The following SMAP1 variants were observed in gnomAD, a reference collection of about 807,000 sequenced individuals.
SMAP1 encodes the protein small ArfGAP 1.
A neutral mutation model predicts 58.5 loss-of-function variants in SMAP1; 24 were observed. That is an observed-to-expected ratio of 0.41 (90% CI 0.30 to 0.58). The LOEUF (loss-of-function observed/expected upper bound fraction) is 0.58, where lower values mean the gene tolerates loss of function less well. Ranked by LOEUF, SMAP1 falls within the 20% of genes least tolerant of loss-of-function variation. SMAP1 has a pLI of 0.29. For synonymous variants in SMAP1, 216 were observed against 196.6 expected (o/e 1.10, Z -0.82); for missense variants, 563 against 566.3 (o/e 0.99, Z 0.06).
At chr6:70,817,138 A>ATATTT (rs1159580558) in intron 6 of SMAP1, among the ~76,000 whole-genome samples, 5 of 140,514 alleles carry the variant, frequency 3.6e-5, no homozygotes, top group African/African-American at 1.4e-4. Flanking sequence ...ATATATATAT[A>ATATTT]TTTTTTTTTT....
rs1313957551 is a variant in SMAP1 at position 70,790,233 on chromosome 6, C to G, written c.415-1456C>G. On this transcript the variant is annotated intron_variant, in intron 4 of 10. Coordinates refer to ENST00000370455, the MANE Select transcript of SMAP1 (RefSeq NM_001044305.3). ...TTGGCTCACTGCAACCTCCGCCTCC[C>G]AGGTTCATGTGATTCTCCTGCCTCA... Among the ~76,000 whole-genome samples the G allele has an allele frequency of 3.3e-5, 5 of 152,050 alleles. No homozygotes were observed. The East Asian group carries it at 7.7e-4, about 23-fold the overall frequency.
chr6:70,730,654 G>A (rs1320593358), intron 1 of SMAP1, among the ~76,000 whole-genome samples: 1 of 152,162 alleles, frequency 6.6e-6, no homozygotes, highest in Non-Finnish European at 1.5e-5. Flanking sequence ...TCTTCCTCCT[G>A]TGTAATTAAG....
chr6:70,725,106 T>G (rs1222263709), intron 1 of SMAP1, among the ~76,000 whole-genome samples: 74 of 92,536 alleles, frequency 8.0e-4, no homozygotes, highest in African/African-American at 2.7e-3. Flanking sequence ...TTTTTTTTTT[T>G]TTTTTTTTTT....
chr6:70,705,538 G>A (rs935662467), intron 1 of SMAP1, among the ~76,000 whole-genome samples: 2 of 152,084 alleles, frequency 1.3e-5, no homozygotes, highest in Non-Finnish European at 2.9e-5. Flanking sequence ...GGTATGAGCC[G>A]CCACGCTGGG....
At chr6:70,745,400 A>C (rs980620798) in intron 2 of SMAP1, among the ~76,000 whole-genome samples, 73 of 152,332 alleles carry the variant, frequency 4.8e-4, no homozygotes, top group African/African-American at 1.6e-3. Flanking sequence ...ATGGCTAGCC[A>C]GTTTTCCCAG....
chr6:70,734,217 C>T (rs980340131), intron 2 of SMAP1, among the ~76,000 whole-genome samples: 9 of 151,956 alleles, frequency 5.9e-5, no homozygotes, highest in Non-Finnish European at 1.0e-4. Context: ...GTGATGTCTG[C>T]TCACTGCAGC....
At chr6:70,786,830 G>T (rs557684716) in intron 4 of SMAP1, among the ~76,000 whole-genome samples, 87 of 152,324 alleles carry the variant, frequency 5.7e-4, no homozygotes, top group South Asian at 4.4e-3. Flanking sequence ...AACATTCCAT[G>T]CTCATGGACA....
chr6:70,861,496 A>G lies in SMAP1; in HGVS notation c.*1162A>G, dbSNP rs1000419985. 1.6e-6 allele frequency: 1 copy of G among 619,152 alleles called. No homozygotes were observed. The highest frequency in any genetic ancestry group is 1.8e-5 in the African/African-American group (1 of 54,204). The allele number at this position is 619,152 out of a possible 1,614,324, so 38.4% of individuals were successfully genotyped here. On this transcript the variant is annotated 3_prime_UTR_variant, in exon 11 of 11. Coordinates refer to ENST00000370455, the MANE Select transcript of SMAP1 (RefSeq NM_001044305.3). ...TTTGTACCAACCATCCAATTAGCTT[A>G]TGTTAACTGACAAGCTCCATTTAAA...
chr6:70,669,565 C>T (rs1459486178), intron 1 of SMAP1, among the ~76,000 whole-genome samples: 2 of 152,104 alleles, frequency 1.3e-5, no homozygotes, highest in Non-Finnish European at 2.9e-5. Context: ...ACTTGTTTTC[C>T]TAGTAACTTG....
At chr6:70,708,359 C>T (rs2149835219) in intron 1 of SMAP1, among the ~76,000 whole-genome samples, 1 of 152,200 alleles carries the variant, frequency 6.6e-6, no homozygotes, top group South Asian at 2.1e-4. Flanking sequence ...TTTCTTTGTT[C>T]ATTCATCCGT....
intron 5 of SMAP1, among the ~76,000 whole-genome samples, chr6:70,795,964 C>T (rs920069453): frequency 1.3e-5 from 2 of 151,932 alleles, no homozygotes; most frequent in African/African-American, 4.8e-5. Flanking sequence ...TCTCGAACTT[C>T]GTGATAGGCC....
intron 4 of SMAP1, among the ~76,000 whole-genome samples, chr6:70,784,196 CA>C (rs1422374762): frequency 1.3e-5 from 2 of 152,252 alleles, no homozygotes; most frequent in East Asian, 3.9e-4. Flanking sequence ...CATATCCAGC[CA>C]AACTAAGCTT....
intron 2 of SMAP1, among the ~76,000 whole-genome samples, chr6:70,744,751 G>C (rs529182354): frequency 1.3e-5 from 2 of 152,332 alleles, no homozygotes; most frequent in South Asian, 4.1e-4. Context: ...TTGCCACACT[G>C]TCTTCCACAA....
At chr6:70,717,342 C>G (rs987498117) in intron 1 of SMAP1, among the ~76,000 whole-genome samples, 1 of 152,184 alleles carries the variant, frequency 6.6e-6, no homozygotes, top group African/African-American at 2.4e-5. Context: ...TCACGAATAC[C>G]AAGACACTCT....
At chr6:70,828,196 T>G (rs958303071) in intron 6 of SMAP1, among the ~76,000 whole-genome samples, 4 of 152,196 alleles carry the variant, frequency 2.6e-5, no homozygotes, top group African/African-American at 9.6e-5. Context: ...AAGACTTTAT[T>G]TGAGTAAACA....
chr6:70,703,762 C>G (rs1562102792), intron 1 of SMAP1, among the ~76,000 whole-genome samples: 1 of 152,192 alleles, frequency 6.6e-6, no homozygotes, highest in Non-Finnish European at 1.5e-5. Context: ...CTGTGCATCT[C>G]TCTCCTCTTG....
intron 7 of SMAP1, among the ~76,000 whole-genome samples, chr6:70,837,367 A>G (rs1227863311): frequency 6.6e-6 from 1 of 151,904 alleles, no homozygotes; most frequent in Non-Finnish European, 1.5e-5. Flanking sequence ...TCGAATTTTT[A>G]GTTTTGTGGG....
At chr6:70,674,094 C>G (rs1305408952) in intron 1 of SMAP1, among the ~76,000 whole-genome samples, 3 of 151,870 alleles carry the variant, frequency 2.0e-5, no homozygotes, top group Non-Finnish European at 2.9e-5. Context: ...ACTTTATAAA[C>G]TCAAAAAAGT....
chr6:70,785,537 A>G (rs1482470318), intron 4 of SMAP1, among the ~76,000 whole-genome samples: 1 of 152,206 alleles, frequency 6.6e-6, no homozygotes, highest in East Asian at 1.9e-4. Flanking sequence ...AGGATCAACA[A>G]AATTGATAGA....
Sources: allele counts gnomAD v4.1 joint callset (sites outside exome capture counted in the v4.1 genomes callset), GRCh38; gene constraint gnomAD v4.1.1; transcripts MANE v1.5; gene names NCBI Gene and HGNC (gene_info 2026-07-23, HGNC 2026-07-21).